Variants in OR1L8 observed in about 807,000 individuals in gnomAD.
OR1L8 encodes olfactory receptor family 1 subfamily L member 8.
For missense variants in OR1L8, 330 were observed against 377.4 expected (o/e 0.87, Z 1.04); for synonymous variants, 148 against 147.0 (o/e 1.01, Z -0.05).
chr9:122,548,250 G>A, the OR1L8 span, among the ~76,000 whole-genome samples: 1 of 152,170 alleles, frequency 6.6e-6, no homozygotes, highest in African/African-American at 2.4e-5. Context: ...AAGGCAAAGG[G>A]GTTTGGGCTG....
At chr9:122,559,618 C>T in the OR1L8 span, among the ~76,000 whole-genome samples, 2 of 152,064 alleles carry the variant, frequency 1.3e-5, no homozygotes, top group Admixed American at 6.5e-5. Context: ...GTTCAGTTTC[C>T]ATGTAGTTGT....
Position 122,568,090 on chromosome 9 carries a change from G to T in OR1L8, c.388C>A (p.Pro130Thr), listed in dbSNP as rs149301014. 9.3e-6 allele frequency: 15 copies of T among 1,614,042 alleles called. No individual in the cohort carries two copies. The South Asian group carries it at 9.9e-5, about 11-fold the overall frequency. The change falls in exon 5 of 5, where the codon CCT becomes ACT. Residue 130 changes from proline to threonine, a missense_variant. Transcript: ENST00000641027. ...CTCATGGTGGTGACATAGTGGAAAG[G>T]GTCACAGACGGCCACATAGCGGTCA... ...AFDRYVAVCD[P>T]FHYVTTMSHH...
chr9:122,558,195 ATTG>A, the OR1L8 span, among the ~76,000 whole-genome samples: 2 of 19,308 alleles, frequency 1.0e-4, no homozygotes, highest in African/African-American at 2.7e-4. Context: ...ATAATGTCCT[ATTG>A]TCCTATTTTC....
At chr9:122,553,325 C>T in the OR1L8 span, 1 of 1,613,972 alleles carries the variant, frequency 6.2e-7, no homozygotes, top group Non-Finnish European at 8.5e-7. Context: ...TTGGCATGTA[C>T]CTGGTCACCA....
chr9:122,546,889 G>A, the OR1L8 span, among the ~76,000 whole-genome samples: 1 of 152,014 alleles, frequency 6.6e-6, no homozygotes, highest in Non-Finnish European at 1.5e-5. Context: ...TACATATATA[G>A]TGATCAGATC....
chr9:122,547,233 T>C, the OR1L8 span, among the ~76,000 whole-genome samples: 1 of 152,098 alleles, frequency 6.6e-6, no homozygotes, highest in African/African-American at 2.4e-5. Flanking sequence ...TAAAAAGGCA[T>C]GAACACCCCA....
At chr9:122,548,807 TTGTTG>T in the OR1L8 span, among the ~76,000 whole-genome samples, 5 of 40,600 alleles carry the variant, frequency 1.2e-4, 1 homozygote, top group South Asian at 9.4e-3. Flanking sequence ...GTGTGTTTTG[TTGTTG>T]TTGTTGTTGT....
chr9:122,553,346 C>G, the OR1L8 span: 1 of 1,613,956 alleles, frequency 6.2e-7, no homozygotes, highest in Non-Finnish European at 8.5e-7. Context: ...TGGTGGGGAA[C>G]CTGCTCATTA....
chr9:122,573,854 C>G, intron 3 of OR1L8, among the ~76,000 whole-genome samples: 1 of 152,114 alleles, frequency 6.6e-6, no homozygotes, highest in East Asian at 1.9e-4. Flanking sequence ...TTATGTTATC[C>G]TCTATGAGTT....
the OR1L8 span, among the ~76,000 whole-genome samples, chr9:122,559,376 G>A: frequency 6.6e-6 from 1 of 151,906 alleles, no homozygotes; most frequent in Non-Finnish European, 1.5e-5. Flanking sequence ...ACAGGTATAT[G>A]TGTGCCATAG....
chr9:122,553,516 C>T, the OR1L8 span: 1 of 1,614,110 alleles, frequency 6.2e-7, no homozygotes, highest in Non-Finnish European at 8.5e-7. Context: ...GGGTGTCTTG[C>T]ACAGCTATAT....
chr9:122,565,578 A>G (rs2185561), downstream of OR1L8, among the ~76,000 whole-genome samples: 46,918 of 152,082 alleles, frequency 0.31, 8,111 homozygotes, highest in East Asian at 0.81. Context: ...CCCCAATGGC[A>G]CCATTCCCAA....
the OR1L8 span, among the ~76,000 whole-genome samples, chr9:122,551,757 T>C: frequency 6.6e-6 from 1 of 152,028 alleles, no homozygotes; most frequent in East Asian, 1.9e-4. Flanking sequence ...AGGTCGACCT[T>C]AACGAGCACA....
the OR1L8 span, chr9:122,553,957 C>A: frequency 3.7e-6 from 6 of 1,613,670 alleles, no homozygotes; most frequent in Non-Finnish European, 5.1e-6. Context: ...TCTCATCTCA[C>A]GGTGGTTCTG....
At chr9:122,581,848 G>A (rs1415506115) in intron 1 of OR1L8, among the ~76,000 whole-genome samples, 1 of 152,082 alleles carries the variant, frequency 6.6e-6, no homozygotes, top group Admixed American at 6.6e-5. Flanking sequence ...AAAGGTGGAG[G>A]TTGCAGTGAG....
the OR1L8 span, among the ~76,000 whole-genome samples, chr9:122,556,506 G>A: frequency 6.6e-6 from 1 of 151,910 alleles, no homozygotes. Flanking sequence ...AGTGTCCACC[G>A]GGGCCTGTTG....
chr9:122,566,359 T>G (rs10513407), downstream of OR1L8, among the ~76,000 whole-genome samples: 1 of 152,056 alleles, frequency 6.6e-6, no homozygotes, highest in African/African-American at 2.4e-5. Context: ...TGTATAAAGA[T>G]GAGGAAATAT....
chr9:122,548,582 A>T, the OR1L8 span, among the ~76,000 whole-genome samples: 5 of 149,996 alleles, frequency 3.3e-5, no homozygotes, highest in African/African-American at 9.7e-5. Context: ...CCAATTTTTT[A>T]AAATTTTTAT....
At chr9:122,579,561 G>C (rs1373682096) in intron 1 of OR1L8, among the ~76,000 whole-genome samples, 2 of 152,002 alleles carry the variant, frequency 1.3e-5, no homozygotes, top group Non-Finnish European at 2.9e-5. Context: ...TATAAGTGAG[G>C]GCTTCTTAGA....
Sources: allele counts gnomAD v4.1 joint callset (sites outside exome capture counted in the v4.1 genomes callset), GRCh38; gene constraint gnomAD v4.1.1; transcripts MANE v1.5; gene names NCBI Gene and HGNC (gene_info 2026-07-23, HGNC 2026-07-21).